The following WDR43 variants were observed in gnomAD, a reference collection of about 807,000 sequenced individuals.
The protein encoded by WDR43 is WD repeat-containing protein 43.
A neutral mutation model predicts 91.4 loss-of-function variants in WDR43; 13 were observed. That is an observed-to-expected ratio of 0.14 (90% CI 0.09 to 0.23). The LOEUF (loss-of-function observed/expected upper bound fraction) is 0.23, where lower values mean the gene tolerates loss of function less well. Among genes scored for constraint, WDR43 ranks in the 10% least tolerant of loss-of-function variants. WDR43 has a pLI of 1.00. For synonymous variants in WDR43, 331 were observed against 287.9 expected (o/e 1.15, Z -1.51); for missense variants, 780 against 809.4 (o/e 0.96, Z 0.44).
chr2:28,947,614 G>A lies in WDR43; in HGVS notation c.*835G>A, dbSNP rs919819329. 6.6e-6 allele frequency: 1 copy of A among 151,924 alleles called. No homozygotes were observed. The highest frequency in any genetic ancestry group is 2.4e-5 in the African/African-American group (1 of 41,462). The allele number at this position is 151,924 out of a possible 1,614,324, so 9.4% of individuals were successfully genotyped here. ...TTCCATTTTTATTTAAATTACTAATGGATCAAAGAACAATTGTTTATTTTT... is the reference window on the plus strand; with the variant it reads ...TTCCATTTTTATTTAAATTACTAATAGATCAAAGAACAATTGTTTATTTTT... On this transcript the variant is annotated 3_prime_UTR_variant, in exon 18 of 18. Transcript: ENST00000407426.
In WDR43 at chr2:28,906,653, A is replaced by G; in HGVS notation, c.485+72A>G. 4 of 1,532,742 alleles carry G rather than the reference A, an allele frequency of 2.6e-6. No homozygotes were observed. The South Asian group carries it at 3.8e-5, about 15-fold the overall frequency. 94.9% of individuals were successfully genotyped at this position (1,532,742 alleles called of 1,614,324 possible). A position where few individuals can be genotyped will look rare whatever the true frequency, so the allele number is the denominator to read the frequency against. ...TGCTGGACTTGTGGGGAATGCAGAC[A>G]TTAATAAGGTTATAGGTTCCATTTA... is the stretch of plus-strand genomic sequence containing the variant. On this transcript the variant is annotated intron_variant, in intron 3 of 17. Coordinates refer to ENST00000407426, the MANE Select transcript of WDR43 (RefSeq NM_015131.3).
At chr2:28,945,544 T>G (rs1390448714) in intron 16 of WDR43, among the ~76,000 whole-genome samples, 1 of 152,242 alleles carries the variant, frequency 6.6e-6, no homozygotes, top group Non-Finnish European at 1.5e-5. Flanking sequence ...TGCTTCCTTT[T>G]GGTTTCTTTT....
At chr2:28,931,418 A>G (rs1487566586) in intron 11 of WDR43, among the ~76,000 whole-genome samples, 1 of 152,192 alleles carries the variant, frequency 6.6e-6, no homozygotes, top group Non-Finnish European at 1.5e-5. Context: ...AACAGAGTCT[A>G]CACTGTATTT....
chr2:28,945,881 G>A lies in WDR43; in HGVS notation c.1805-569G>A, dbSNP rs138502711. 7.1e-3 allele frequency among the ~76,000 whole-genome samples: 1,082 copies of A among 152,190 alleles called. 9 individuals carry two copies. Among genetic ancestry groups the A allele is most frequent in the African/African-American group, 0.025 (1,036 of 41,516 alleles). On this transcript the variant is annotated intron_variant, in intron 16 of 17. Coordinates refer to ENST00000407426, the MANE Select transcript of WDR43 (RefSeq NM_015131.3). ...GCTAATTCTTCCATTTCGTTTATAA[G>A]CCAGCTTTTCTGTGTTGAATTTTTC... is the stretch of plus-strand genomic sequence containing the variant.
At chr2:28,916,167 G>C (rs897311035) in intron 5 of WDR43, among the ~76,000 whole-genome samples, 1 of 152,142 alleles carries the variant, frequency 6.6e-6, no homozygotes, top group Non-Finnish European at 1.5e-5. Context: ...ATCTCTCAGA[G>C]ACTTGTTGAC....
In WDR43 at chr2:28,946,721, A is replaced by G; in HGVS notation, c.1976A>G (p.Glu659Gly). ...ENGEDRDTAS[E>G]KELNGDSDLD... ...GGCGAGGACAGAGATACAGCAAGTG[A>G]AAAAGAATTAAATGGAGATTCTGAT... is the stretch of plus-strand genomic sequence containing the variant. Residue 659 changes from glutamate to glycine, a missense_variant, in exon 18 of 18, where the codon GAA becomes GGA. Glu to Gly is a moderately conservative substitution (Grantham distance 98, BLOSUM62 -2). Transcript: ENST00000407426. 6.3e-7 allele frequency: 1 copy of G among 1,584,646 alleles called. No homozygotes were observed. The highest frequency in any genetic ancestry group is 1.3e-5 in the African/African-American group (1 of 74,350).
At chr2:28,932,548 C>G (rs745644730) in intron 11 of WDR43, among the ~76,000 whole-genome samples, 2 of 152,128 alleles carry the variant, frequency 1.3e-5, no homozygotes, top group Admixed American at 6.5e-5. Flanking sequence ...ATTCTGTACT[C>G]TAAAAAGAAA....
chr2:28,904,666 A>G (rs1000853343), intron 2 of WDR43, among the ~76,000 whole-genome samples: 4 of 152,254 alleles, frequency 2.6e-5, no homozygotes, highest in Admixed American at 6.5e-5. Context: ...TGTGGAATGT[A>G]TCTGTTCATA....
At chr2:28,937,837 T>TATAA in intron 13 of WDR43, 94 bp from the exon 14 acceptor site, 1 of 1,159,914 alleles carries the variant, frequency 8.6e-7, no homozygotes, top group South Asian at 1.3e-5. Flanking sequence ...GCAACATTTA[T>TATAA]AGACCTTCAC....
chr2:28,909,058 C>T (rs911693044), intron 3 of WDR43, among the ~76,000 whole-genome samples: 1 of 152,068 alleles, frequency 6.6e-6, no homozygotes, highest in Admixed American at 6.6e-5. Flanking sequence ...ACACATCAGT[C>T]AGTCAATTTT....
At chr2:28,900,659 G>A (rs1239059971) in intron 1 of WDR43, among the ~76,000 whole-genome samples, 1 of 152,120 alleles carries the variant, frequency 6.6e-6, no homozygotes, top group African/African-American at 2.4e-5. Flanking sequence ...AACTGAAACG[G>A]GGACCTAGAA....
At chr2:28,925,477 T>A (rs1164841975) in intron 8 of WDR43, among the ~76,000 whole-genome samples, 1 of 152,204 alleles carries the variant, frequency 6.6e-6, no homozygotes, top group Non-Finnish European at 1.5e-5. Context: ...GTGCCACATG[T>A]TCCTAGTGTC....
rs2148190100 is a variant in WDR43, at chr2:28,922,900, G to A, written c.850-19G>A. 6.3e-7 allele frequency: 1 copy of A among 1,596,358 alleles called. No homozygotes were observed. The highest frequency in any genetic ancestry group is 1.7e-4 in the Middle Eastern group (1 of 5,978). ...AGTATGTTATCCATTATAATACGTTGGTTACATTTTTCTTTTAGCCTGTCA... is the reference window on the plus strand; with the variant it reads ...AGTATGTTATCCATTATAATACGTTAGTTACATTTTTCTTTTAGCCTGTCA... On this transcript the variant is annotated intron_variant, in intron 6 of 17. Coordinates refer to ENST00000407426, the MANE Select transcript of WDR43 (RefSeq NM_015131.3).
intron 4 of WDR43, among the ~76,000 whole-genome samples, chr2:28,913,189 C>G (rs763150386): frequency 6.6e-6 from 1 of 152,082 alleles, no homozygotes; most frequent in African/African-American, 2.4e-5. Context: ...CTCCTGGCCT[C>G]GTGATCTGCC....
chr2:28,934,160 T>A (rs1671297284), intron 11 of WDR43, among the ~76,000 whole-genome samples: 1 of 152,172 alleles, frequency 6.6e-6, no homozygotes, highest in South Asian at 2.1e-4. Flanking sequence ...TTCATGAATC[T>A]CAAACTAAGG....
chr2:28,927,218 G>T (rs992992412), intron 9 of WDR43: 14 of 513,170 alleles, frequency 2.7e-5, no homozygotes, highest in African/African-American at 2.1e-4. Context: ...AAAAATCATT[G>T]TGTCTTTATG....
chr2:28,906,402 A>G lies in WDR43; in HGVS notation c.364-58A>G, dbSNP rs1412063065. The G allele has an allele frequency of 1.1e-5, 17 of 1,484,606 alleles. 2 individuals are homozygous for G. In the Admixed American group the frequency reaches 1.6e-4, roughly 14 times the overall value. The allele number at this position is 1,484,606 out of a possible 1,614,324, so 92.0% of individuals were successfully genotyped here. ...CTTGGGAGAGCGAGGAAGGAGGATC[A>G]TTTGAGCCCAGGAGTTTGAGACCAG... On this transcript the variant is annotated intron_variant, in intron 2 of 17. Coordinates refer to ENST00000407426, the MANE Select transcript of WDR43 (RefSeq NM_015131.3).
intron 5 of WDR43, among the ~76,000 whole-genome samples, chr2:28,917,253 T>C (rs1406713012): frequency 6.6e-6 from 1 of 152,194 alleles, no homozygotes; most frequent in Non-Finnish European, 1.5e-5. Flanking sequence ...ATAAAATTGT[T>C]ACAGTGATTT....
intron 2 of WDR43, among the ~76,000 whole-genome samples, chr2:28,902,787 A>C (rs1670600574): frequency 6.6e-6 from 1 of 152,222 alleles, no homozygotes; most frequent in Non-Finnish European, 1.5e-5. Flanking sequence ...ATCAGAAATC[A>C]GGTTGCTGAG....
Sources: allele counts gnomAD v4.1 joint callset (sites outside exome capture counted in the v4.1 genomes callset), GRCh38; gene constraint gnomAD v4.1.1; transcripts MANE v1.5; gene names NCBI Gene and HGNC (gene_info 2026-07-23, HGNC 2026-07-21).